The following FAM168B variants were observed in gnomAD, a reference collection of about 807,000 sequenced individuals.
FAM168B encodes the protein myelin-associated neurite-outgrowth inhibitor.
Under a neutral mutation model 21.8 loss-of-function variants are expected in FAM168B, and 19 were observed. The ratio of observed to expected loss-of-function variants is 0.87; its 90% CI spans 0.61 to 1.28. The LOEUF is 1.28. Ranked by LOEUF, FAM168B falls within the 50% of genes most tolerant of loss-of-function variation. FAM168B has a pLI of 0.00. For missense variants in FAM168B, 233 were observed against 263.1 expected, an observed-to-expected ratio of 0.89 and a Z score of 0.79; for synonymous variants, 126 against 104.8, an observed-to-expected ratio of 1.20 and a Z score of -1.24.
At chr2:131,088,989 G>C (rs912033218) in intron 1 of FAM168B, among the ~76,000 whole-genome samples, 1 of 145,090 alleles carries the variant, frequency 6.9e-6, no homozygotes, top group African/African-American at 2.6e-5. Flanking sequence ...TTTTGAGACA[G>C]AGTTTTCACT....
At chr2:131,079,833 G>C (rs1693343396) in intron 2 of FAM168B, among the ~76,000 whole-genome samples, 1 of 152,010 alleles carries the variant, frequency 6.6e-6, no homozygotes, top group South Asian at 2.1e-4. Flanking sequence ...AAAAAAAAAT[G>C]TGGCTCGGAG....
At chr2:131,092,464 T>C (rs1465739439) in intron 1 of FAM168B, among the ~76,000 whole-genome samples, 1 of 152,218 alleles carries the variant, frequency 6.6e-6, no homozygotes, top group African/African-American at 2.4e-5. Flanking sequence ...AAAAGTGATC[T>C]CAAATTACAC....
intron 1 of FAM168B, among the ~76,000 whole-genome samples, chr2:131,084,850 G>C (rs1693601686): frequency 6.6e-6 from 1 of 152,136 alleles, no homozygotes; most frequent in Admixed American, 6.5e-5. Context: ...AGCCTCCAGA[G>C]TAGCCAGGAC....
At chr2:131,063,845 TAGAC>T (rs758158626) in intron 3 of FAM168B, among the ~76,000 whole-genome samples, 25 of 152,184 alleles carry the variant, frequency 1.6e-4, no homozygotes, top group East Asian at 1.2e-3. Context: ...TAATTAAAAA[TAGAC>T]AGTGTGTGCT....
Position 131,050,836 on chromosome 2 carries a change from C to T in FAM168B, c.*1629G>A. The T allele has an allele frequency of 2.0e-6, 2 of 985,464 alleles. No individual in the cohort carries two copies. The highest frequency in any genetic ancestry group is 2.4e-6 in the Non-Finnish European group (2 of 830,014). The allele number at this position is 985,464 out of a possible 1,614,324, so 61.0% of individuals were successfully genotyped here. A position where few individuals can be genotyped will look rare whatever the true frequency, so the allele number is the denominator to read the frequency against. ...AGAGCCCCCTCCCCACCAGAGCCCA[C>T]AGCACTCAAACCACCACTGCACTGG... is the stretch of plus-strand genomic sequence containing the variant. On this transcript the variant is annotated 3_prime_UTR_variant, in exon 7 of 7. Coordinates refer to ENST00000389915, the MANE Select transcript of FAM168B (RefSeq NM_001009993.4).
chr2:131,075,816 T>C (rs78697236), intron 2 of FAM168B, among the ~76,000 whole-genome samples: 6,622 of 151,952 alleles, frequency 0.044, 190 homozygotes, highest in Non-Finnish European at 0.062. Flanking sequence ...AGTTAACACA[T>C]CCTATAATGA....
rs1692881765 is a variant in FAM168B, at chr2:131,071,783, CCT to C, written c.154+70_154+71del. 3.1e-6 allele frequency: 4 copies of C among 1,300,446 alleles called. No individual in the cohort carries two copies. The East Asian group carries it at 9.3e-5, about 30-fold the overall frequency. 80.6% of individuals were successfully genotyped at this position (1,300,446 alleles called of 1,614,324 possible). ...ACCAAGTCCTAATTCTATACCCACCCCTCTCAAAATCCACCCCTTCACCTTTC... is the reference window on the plus strand; with the variant it reads ...ACCAAGTCCTAATTCTATACCCACCCCTCAAAATCCACCCCTTCACCTTTC... On this transcript the variant is annotated intron_variant, in intron 3 of 6. Coordinates refer to ENST00000389915, the MANE Select transcript of FAM168B (RefSeq NM_001009993.4).
Position 131,052,147 on chromosome 2 carries a change from GC to G in FAM168B, c.*317del. On this transcript the variant is annotated 3_prime_UTR_variant, in exon 7 of 7. Coordinates refer to ENST00000389915, the MANE Select transcript of FAM168B (RefSeq NM_001009993.4). ...CAGTCACTGCAGGTAGATTGAGCAA[GC>G]TTTTTGTGTTTGTTTTTTTAAACAT... 1 of 985,766 alleles carries G rather than the reference GC, an allele frequency of 1.0e-6. No individual in the cohort carries two copies. The highest frequency in any genetic ancestry group is 4.7e-5 in the South Asian group (1 of 21,292). 61.1% of individuals were successfully genotyped at this position (985,766 alleles called of 1,614,324 possible).
At chr2:131,063,473 C>A (rs1384538089) in intron 3 of FAM168B, among the ~76,000 whole-genome samples, 1 of 152,186 alleles carries the variant, frequency 6.6e-6, no homozygotes, top group Non-Finnish European at 1.5e-5. Context: ...ACAGGTCTCC[C>A]TATCAATTTA....
In FAM168B at chr2:131,068,949, G is replaced by A. The variant is rs140042259; in HGVS notation, c.154+2906C>T. 9.7e-4 allele frequency among the ~76,000 whole-genome samples: 148 copies of A among 152,274 alleles called. 2 individuals carry two copies. Among genetic ancestry groups the A allele is most frequent in the African/African-American group, 3.4e-3 (140 of 41,572 alleles). ...GAGCATTGCTTGAGCCTGAAAAGTC[G>A]AGGCTGCAGTGAGGCGTGATTGCAC... On this transcript the variant is annotated intron_variant, in intron 3 of 6. Transcript: ENST00000389915.
intron 1 of FAM168B, among the ~76,000 whole-genome samples, chr2:131,088,624 GTA>G (rs1279281840): frequency 6.6e-6 from 1 of 152,072 alleles, no homozygotes; most frequent in Non-Finnish European, 1.5e-5. Context: ...CTGTGATTAT[GTA>G]TAGTTACATA....
intron 2 of FAM168B, among the ~76,000 whole-genome samples, chr2:131,075,939 A>G (rs1206385999): frequency 6.6e-6 from 1 of 152,210 alleles, no homozygotes; most frequent in African/African-American, 2.4e-5. Context: ...TCTCCTAGAC[A>G]GCCTCTGCTG....
rs939159691 is a variant in FAM168B, at chr2:131,051,316, C to A, written c.*1149G>T. 33 of 985,360 alleles carry A rather than the reference C, an allele frequency of 3.3e-5. No individual in the cohort carries two copies. Among genetic ancestry groups the A allele is most frequent in the Non-Finnish European group, 3.9e-5 (32 of 829,918 alleles). The allele number at this position is 985,360 out of a possible 1,614,324, so 61.0% of individuals were successfully genotyped here. ...ATTTCCAGACATATCCACGGCCCTG[C>A]CTTTCTACAAGAAATTGGAGGAATT... On this transcript the variant is annotated 3_prime_UTR_variant, in exon 7 of 7. Transcript: ENST00000389915.
At chr2:131,053,134 C>T (rs1371414343) in intron 5 of FAM168B, 119 bp from the exon 6 acceptor site, 8 of 1,358,026 alleles carry the variant, frequency 5.9e-6, no homozygotes, top group Non-Finnish European at 7.7e-6. Flanking sequence ...GAGGGATAGT[C>T]TTGACCCAGA....
At chr2:131,071,688 G>A (rs916249003) in intron 3 of FAM168B, among the ~76,000 whole-genome samples, 167 bp downstream of exon 3, 2 of 152,186 alleles carry the variant, frequency 1.3e-5, no homozygotes, top group Admixed American at 1.3e-4. Context: ...TAAAGCTTCA[G>A]TGCAGTAAGA....
intron 5 of FAM168B, among the ~76,000 whole-genome samples, chr2:131,054,651 ATGGGTGGTCATACAGAT>A (rs1691907141): frequency 6.6e-6 from 1 of 152,232 alleles, no homozygotes; most frequent in South Asian, 2.1e-4. Context: ...GTGAATCCAC[ATGGGTGGTCATACAGAT>A]TGGGTGGTCA....
At chr2:131,058,616 A>C (rs901845381) in intron 3 of FAM168B, among the ~76,000 whole-genome samples, 1 of 152,208 alleles carries the variant, frequency 6.6e-6, no homozygotes, top group Non-Finnish European at 1.5e-5. Flanking sequence ...AACACTGCCA[A>C]AATTTGAATA....
At chr2:131,078,736 C>G (rs1479074159) in intron 2 of FAM168B, among the ~76,000 whole-genome samples, 1 of 152,040 alleles carries the variant, frequency 6.6e-6, no homozygotes, top group African/African-American at 2.4e-5. Flanking sequence ...GGCCTGTACT[C>G]CCAGTACTTT....
chr2:131,078,221 TG>T (rs1360308348), intron 2 of FAM168B, among the ~76,000 whole-genome samples: 2 of 152,154 alleles, frequency 1.3e-5, no homozygotes, highest in Non-Finnish European at 2.9e-5. Flanking sequence ...ATCCAGAGAC[TG>T]CAGTTAGCAA....
Sources: gnomAD v4.1 joint callset for allele counts (sites outside exome capture counted in the v4.1 genomes callset) on GRCh38, gnomAD v4.1.1 for gene constraint, MANE v1.5 for transcripts, NCBI Gene and HGNC (gene_info 2026-07-23, HGNC 2026-07-21) for gene names.